DTNA: variants seen among roughly 807,000 people sequenced by gnomAD.
DTNA encodes dystrophin-related protein 3.
A neutral mutation model predicts 100.7 loss-of-function variants in DTNA; 43 were observed. That is an observed-to-expected ratio of 0.43 (90% CI 0.33 to 0.55). DTNA has a LOEUF of 0.55. Ranked by LOEUF, DTNA falls within the 20% of genes least tolerant of loss-of-function variation. The probability of loss-of-function intolerance (pLI) is 0.04; values close to 1 mark genes in which losing one functional copy is unlikely to be tolerated. For missense variants in DTNA, 798 were observed against 953.9 expected, an observed-to-expected ratio of 0.84 and a Z score of 2.15; for synonymous variants, 349 against 347.9, an observed-to-expected ratio of 1.00 and a Z score of -0.04.
intron 17 of DTNA, among the ~76,000 whole-genome samples, chr18:34,870,357 A>C (rs1371705193): frequency 6.6e-6 from 1 of 152,102 alleles, no homozygotes; most frequent in African/African-American, 2.4e-5. Context: ...GGCCAGCAAT[A>C]ACCTGCTTGG....
At chr18:34,538,452 T>C (rs1279099155) in intron 1 of DTNA, among the ~76,000 whole-genome samples, 1 of 152,046 alleles carries the variant, frequency 6.6e-6, no homozygotes, top group Non-Finnish European at 1.5e-5. Context: ...TTTTACCTAG[T>C]GAGTCCTTAA....
rs575556159 is a variant in DTNA, at chr18:34,543,951, A to G, written c.-2+50437A>G. ...AGGAAGGGGGCTGTTTTTGCACGAA[A>G]TTTTAGAGCCAGCTGTTAACTTCAA... On this transcript the variant is annotated intron_variant, in intron 1 of 19. Transcript: ENST00000283365. Among the ~76,000 whole-genome samples, 6 of 152,204 alleles carry G rather than the reference A, an allele frequency of 3.9e-5. No individual in the cohort carries two copies. In the South Asian group the frequency reaches 1.0e-3, roughly 26 times the overall value.
In DTNA at chr18:34,560,918, T is replaced by C. The variant is rs1243118089; in HGVS notation, c.-2+67404T>C. Among the ~76,000 whole-genome samples, 7 of 152,300 alleles carry C rather than the reference T, an allele frequency of 4.6e-5. No homozygotes were observed. In the East Asian group the frequency reaches 1.4e-3, roughly 29 times the overall value. On this transcript the variant is annotated intron_variant, in intron 1 of 19. Coordinates refer to the DTNA transcript ENST00000283365. The stretch of plus-strand genomic sequence containing the variant: ...GCCTGGGTGACAGAGGGAGACCCTG[T>C]CTCAAAAAATAAAATTTGAATAACG...
At chr18:34,724,538 C>G (rs1472981276) in intron 1 of DTNA, among the ~76,000 whole-genome samples, 2 of 152,208 alleles carry the variant, frequency 1.3e-5, no homozygotes, top group African/African-American at 4.8e-5. Context: ...TGGCAAGGGC[C>G]TCAGGAAGCT....
intron 1 of DTNA, among the ~76,000 whole-genome samples, chr18:34,687,995 T>A (rs532043961): frequency 1.3e-5 from 2 of 152,280 alleles, no homozygotes; most frequent in African/African-American, 4.8e-5. Flanking sequence ...GTTTGCTTGA[T>A]AAGTCTTCCT....
At chr18:34,619,650 A>G (rs2056060729) in intron 1 of DTNA, among the ~76,000 whole-genome samples, 1 of 152,164 alleles carries the variant, frequency 6.6e-6, no homozygotes, top group South Asian at 2.1e-4. Flanking sequence ...CCACTGTGAT[A>G]GAGGATGTGG....
intron 4 of DTNA, among the ~76,000 whole-genome samples, chr18:34,804,454 AG>A (rs1485476065): frequency 3.3e-5 from 5 of 152,218 alleles, no homozygotes; most frequent in Admixed American, 2.6e-4. Context: ...TGATGGAAGC[AG>A]TGACAGTGGG....
chr18:34,686,467 C>G (rs1276575788), intron 1 of DTNA, among the ~76,000 whole-genome samples: 3 of 152,174 alleles, frequency 2.0e-5, no homozygotes, highest in Non-Finnish European at 4.4e-5. Flanking sequence ...GTTGAACCAG[C>G]CTTGCATCCC....
intron 1 of DTNA, among the ~76,000 whole-genome samples, chr18:34,742,934 A>C (rs2090967665): frequency 6.6e-6 from 1 of 152,076 alleles, no homozygotes; most frequent in African/African-American, 2.4e-5. Flanking sequence ...ACAATGCAGG[A>C]GGCCTGGAAG....
At chr18:34,599,983 ATTTC>A (rs2051453507) in intron 1 of DTNA, among the ~76,000 whole-genome samples, 1 of 152,070 alleles carries the variant, frequency 6.6e-6, no homozygotes, top group Non-Finnish European at 1.5e-5. Flanking sequence ...CAGCCAACAA[ATTTC>A]TTTATGTATC....
chr18:34,605,683 C>T (rs944608320), intron 1 of DTNA, among the ~76,000 whole-genome samples: 32 of 150,198 alleles, frequency 2.1e-4, no homozygotes, highest in Non-Finnish European at 4.3e-4. Context: ...AGTGCTTTTA[C>T]AAGTCTAGGA....
At chr18:34,680,588 A>G (rs572158008) in intron 1 of DTNA, among the ~76,000 whole-genome samples, 5 of 152,166 alleles carry the variant, frequency 3.3e-5, no homozygotes, top group African/African-American at 9.7e-5. Context: ...AATACTTTTG[A>G]TTAACTTCAA....
intron 1 of DTNA, among the ~76,000 whole-genome samples, chr18:34,519,367 G>A (rs1262768459): frequency 6.6e-6 from 1 of 152,100 alleles, no homozygotes; most frequent in African/African-American, 2.4e-5. Flanking sequence ...GAAACATTAA[G>A]GATTAATGTA....
intron 17 of DTNA, among the ~76,000 whole-genome samples, chr18:34,864,409 G>A (rs1286286665): frequency 1.3e-5 from 2 of 152,026 alleles, no homozygotes; most frequent in African/African-American, 2.4e-5. Context: ...CCCCGCCACC[G>A]CGCCCGGCTA....
intron 2 of DTNA, among the ~76,000 whole-genome samples, 193 bp downstream of exon 2, chr18:34,756,236 T>G (rs557509595): frequency 6.6e-6 from 1 of 152,328 alleles, no homozygotes; most frequent in South Asian, 2.1e-4. Context: ...TCATCCTAAT[T>G]TGCTATTAGA....
intron 1 of DTNA, among the ~76,000 whole-genome samples, chr18:34,746,905 A>G (rs899037936): frequency 1.3e-5 from 2 of 152,112 alleles, no homozygotes; most frequent in Admixed American, 6.6e-5. Context: ...AATGTCATCA[A>G]ATGAAACCAA....
intron 1 of DTNA, among the ~76,000 whole-genome samples, chr18:34,576,435 A>G (rs1309215624): frequency 6.6e-6 from 1 of 152,038 alleles, no homozygotes; most frequent in African/African-American, 2.4e-5. Context: ...GGTTTGTGAT[A>G]TATTTTTGTT....
chr18:34,525,078 A>G (rs2042486094), intron 1 of DTNA, among the ~76,000 whole-genome samples: 1 of 152,168 alleles, frequency 6.6e-6, no homozygotes, highest in African/African-American at 2.4e-5. Flanking sequence ...AATCAGAACT[A>G]TGTATGTTCT....
chr18:34,590,516 T>C (rs1378157416), intron 1 of DTNA, among the ~76,000 whole-genome samples: 1 of 152,196 alleles, frequency 6.6e-6, no homozygotes, highest in Non-Finnish European at 1.5e-5. Context: ...AGGTTCTTCA[T>C]ACACATGGAT....
Sources: allele counts gnomAD v4.1 joint callset (sites outside exome capture counted in the v4.1 genomes callset), GRCh38; gene constraint gnomAD v4.1.1; transcripts MANE v1.5; gene names NCBI Gene and HGNC (gene_info 2026-07-23, HGNC 2026-07-21).